INSR: variants seen among roughly 807,000 people sequenced by gnomAD.
INSR encodes the protein IR.
Under a neutral mutation model 142.6 loss-of-function variants are expected in INSR, and 67 were observed. The observed-to-expected ratio is 0.47, with a 90% confidence interval of 0.39 to 0.58. INSR has a LOEUF of 0.58. Among genes scored for constraint, INSR ranks in the 20% least tolerant of loss-of-function variants. The probability of loss-of-function intolerance (pLI) is 0.00; values close to 1 mark genes in which losing one functional copy is unlikely to be tolerated. For missense variants in INSR, 1,248 were observed against 1,833.2 expected (o/e 0.68, Z 5.83); for synonymous variants, 756 against 743.1 (o/e 1.02, Z -0.28).
chr19:7,164,593 G>GGTCAAGA, intron 8 of INSR, among the ~76,000 whole-genome samples: 1 of 145,166 alleles, frequency 6.9e-6, no homozygotes, highest in African/African-American at 2.6e-5. Flanking sequence ...CGAGGCAGGC[G>GGTCAAGA]GATCACCTGA....
chr19:7,118,462 C>T lies in INSR; in HGVS notation c.3794+987G>A, dbSNP rs1020943365. 8.6e-4 allele frequency among the ~76,000 whole-genome samples: 131 copies of T among 151,696 alleles called. 5 individuals are homozygous for T. Among genetic ancestry groups the T allele is most frequent in the Non-Finnish European group, 2.4e-4 (16 of 67,976 alleles). ...CCTCCTGAGTAGCTGGGATTACAGG[C>T]GCCCACGACCGCGCCTGGGTAATTT... On this transcript the variant is annotated intron_variant, in intron 21 of 21. Transcript: ENST00000302850.
chr19:7,128,080 G>A (rs901441543), intron 15 of INSR, among the ~76,000 whole-genome samples: 6 of 151,774 alleles, frequency 4.0e-5, no homozygotes, highest in African/African-American at 1.2e-4. Flanking sequence ...ACTTAAAAGC[G>A]TGTCATGTCT....
intron 3 of INSR, among the ~76,000 whole-genome samples, chr19:7,181,033 C>T (rs1292215103): frequency 2.0e-5 from 3 of 152,002 alleles, no homozygotes; most frequent in African/African-American, 4.8e-5. Flanking sequence ...CTCCACCTCC[C>T]GGGTTCAAGC....
chr19:7,119,775 T>C lies in INSR; in HGVS notation c.3660-192A>G, dbSNP rs547353148. Among the ~76,000 whole-genome samples, 1 of 111,722 alleles carries C rather than the reference T, an allele frequency of 9.0e-6. No homozygotes were observed. Among genetic ancestry groups the C allele is most frequent in the South Asian group, 3.2e-4 (1 of 3,154 alleles). The allele number at this position is 111,722 out of a possible 152,430, so 73.3% of individuals were successfully genotyped here. On this transcript the variant is annotated intron_variant, in intron 20 of 21. Transcript: ENST00000302850. This position sits in a 1 kb window ranked among gnomAD's most constrained non-coding sequence, Gnocchi z 5.2. ...ACATGCAAATACACACAAACACGCA[T>C]GCGCACACATGCACACACAAATATG...
intron 2 of INSR, among the ~76,000 whole-genome samples, chr19:7,248,266 C>A (rs1198198754): frequency 6.6e-6 from 1 of 150,824 alleles, no homozygotes; most frequent in East Asian, 2.0e-4. Flanking sequence ...CCACCTCAGT[C>A]CCCCAGGTAG....
intron 11 of INSR, among the ~76,000 whole-genome samples, chr19:7,145,817 T>C (rs1295967950): frequency 6.6e-6 from 1 of 152,246 alleles, no homozygotes; most frequent in African/African-American, 2.4e-5. Context: ...TCTTATTACA[T>C]TGGCTGGATG....
chr19:7,146,354 G>T (rs1175944937), intron 11 of INSR, among the ~76,000 whole-genome samples: 1 of 149,678 alleles, frequency 6.7e-6, no homozygotes, highest in Non-Finnish European at 1.5e-5. Context: ...CGATTCTCCT[G>T]GCTCAGCCTC....
rs372443923 is a variant in INSR at position 7,236,992 on chromosome 19, A to T, written c.652+30353T>A. 2.3e-4 allele frequency among the ~76,000 whole-genome samples: 34 copies of T among 149,160 alleles called. No homozygotes were observed. The East Asian group carries it at 6.6e-3, about 29-fold the overall frequency. ...CAGTGAGCCGAGATCGCGCCACTGC[A>T]CTCCAGCCTGGGTGACAGCGTGAGA... On this transcript the variant is annotated intron_variant, in intron 2 of 21. Transcript: ENST00000302850.
intron 2 of INSR, among the ~76,000 whole-genome samples, chr19:7,213,939 G>A (rs1340929306): frequency 1.3e-5 from 2 of 151,482 alleles, no homozygotes; most frequent in African/African-American, 4.9e-5. Flanking sequence ...TCAGTGAGCA[G>A]AGATTGTGCC....
At chr19:7,193,251 C>T (rs1368486940) in intron 2 of INSR, among the ~76,000 whole-genome samples, 1 of 151,810 alleles carries the variant, frequency 6.6e-6, no homozygotes, top group Non-Finnish European at 1.5e-5. Context: ...GTAATCCCAG[C>T]AGGCTAAGGA....
In INSR at chr19:7,293,794, T is replaced by C; in HGVS notation, c.98A>G (p.Glu33Gly). The part of the protein sequence containing the change: ...LGAAGHLYPG[E>G]VCPGMDIRNN... ...CACGCCCGCGCCCCCAGACTCACCCTCTCCGGGGTACAGGTGGCCCGCGGC... is the reference window on the plus strand; with the variant it reads ...CACGCCCGCGCCCCCAGACTCACCCCCTCCGGGGTACAGGTGGCCCGCGGC... Residue 33 changes from glutamate (E) to glycine (G), a missense_variant and splice_region_variant, in exon 1 of 22, where the codon GAG (glutamate) becomes GGG (glycine). Physicochemically the swap from Glu to Gly is moderately conservative, Grantham distance 98 (BLOSUM62 -2). Transcript: ENST00000302850. 1 of 1,352,482 alleles carries C rather than the reference T, an allele frequency of 7.4e-7. No homozygotes were observed. The highest frequency in any genetic ancestry group is 1.8e-5 in the South Asian group (1 of 55,946). The allele number at this position is 1,352,482 out of a possible 1,614,324, so 83.8% of individuals were successfully genotyped here.
rs572002361 is a variant in INSR at position 7,238,457 on chromosome 19, T to C, written c.652+28888A>G. On this transcript the variant is annotated intron_variant, in intron 2 of 21. Transcript: ENST00000302850. Reference sequence around the variant, plus strand: ...CAACATGGTGAAACCCCATCTCTACTAAAAAATACAAAAATTAGCCGGGCG... The same window carrying C: ...CAACATGGTGAAACCCCATCTCTACCAAAAAATACAAAAATTAGCCGGGCG... Among the ~76,000 whole-genome samples, 198 of 151,388 alleles carry C rather than the reference T, an allele frequency of 1.3e-3. 2 individuals carry two copies. Among genetic ancestry groups the C allele is most frequent in the African/African-American group, 4.4e-3 (183 of 41,294 alleles).
At chr19:7,194,424 G>GA (rs112107715) in intron 2 of INSR, among the ~76,000 whole-genome samples, 109,913 of 148,046 alleles carry the variant, frequency 0.74, 41,019 homozygotes, top group African/African-American at 0.8. Flanking sequence ...CTCAAAAAAA[G>GA]AAAAAAAAAT....
At chr19:7,180,529 C>CAA (rs57184012) in intron 3 of INSR, among the ~76,000 whole-genome samples, 49 of 91,908 alleles carry the variant, frequency 5.3e-4, no homozygotes, top group African/African-American at 1.2e-3. Context: ...GACCTTGTCT[C>CAA]AAAAAAAAAA....
chr19:7,193,297 A>G (rs1974650761), intron 2 of INSR, among the ~76,000 whole-genome samples: 1 of 151,894 alleles, frequency 6.6e-6, no homozygotes, highest in Non-Finnish European at 1.5e-5. Context: ...GCGGATCACG[A>G]GGTCAGGAGA....
chr19:7,201,680 T>TTTTTTTTTA (rs1974958488), intron 2 of INSR, among the ~76,000 whole-genome samples: 1 of 148,456 alleles, frequency 6.7e-6, no homozygotes, highest in South Asian at 2.2e-4. Flanking sequence ...TTTTTTTTTT[T>TTTTTTTTTA]GAGTTGGAGT....
rs56395521 is a variant in INSR at position 7,125,348 on chromosome 19, G to C, written c.3193C>G (p.Leu1065Val). 950 of 1,614,094 alleles carry C rather than the reference G, an allele frequency of 5.9e-4. No individual in the cohort carries two copies. The highest frequency in any genetic ancestry group is 7.8e-4 in the Non-Finnish European group (918 of 1,180,024). Reference protein sequence around the residue: ...AVKTVNESASLRERIEFLNEA... With the variant: ...AVKTVNESASVRERIEFLNEA... ...TTGAGGAACTCAATCCGCTCTCGGA[G>C]ACTGGCTGACTCGTTGACCGTCTTC... Residue 1065 changes from leucine to valine, a missense_variant, in exon 17 of 22, where the codon CTC (leucine) becomes GTC (valine). Physicochemically the swap from Leu to Val is conservative, Grantham distance 32 (BLOSUM62 1). Around this residue, in one of 3 missense-constraint regions of INSR, gnomAD observed 1,069 missense variants for 1,654.0 expected, o/e 0.65. Transcript: ENST00000302850. The surrounding 1 kb of genome is among the most constrained non-coding windows in gnomAD (Gnocchi z 4.9).
intron 3 of INSR, among the ~76,000 whole-genome samples, chr19:7,176,873 G>C (rs996956484): frequency 6.6e-6 from 1 of 152,174 alleles, no homozygotes; most frequent in Non-Finnish European, 1.5e-5. Context: ...GTTACCTTGA[G>C]ATGATGGGCC....
At chr19:7,135,900 G>A (rs796104526) in intron 13 of INSR, among the ~76,000 whole-genome samples, 52 of 151,354 alleles carry the variant, frequency 3.4e-4, no homozygotes, top group African/African-American at 1.1e-3. Context: ...CCCAGGAAGC[G>A]GAGGTTGCAG....
Sources: gnomAD v4.1 joint callset for allele counts (sites outside exome capture counted in the v4.1 genomes callset) on GRCh38, gnomAD v4.1.1 for gene constraint, gnomAD v4.1.1 regional missense constraint, Gnocchi (gnomAD v3.1) non-coding constraint, MANE v1.5 for transcripts, NCBI Gene and HGNC (gene_info 2026-07-23, HGNC 2026-07-21) for gene names.